Variants in CABIN1 observed in about 807,000 individuals in gnomAD.
CABIN1 encodes the protein calcineurin-binding protein cabin-1.
Under a neutral mutation model 227.7 loss-of-function variants are expected in CABIN1, and 133 were observed. The observed-to-expected ratio is 0.58, with a 90% CI of 0.51 to 0.67. The LOEUF is 0.67. Ranked by LOEUF, CABIN1 falls within the 30% of genes least tolerant of loss-of-function variation. The pLI, the probability that CABIN1 is intolerant of heterozygous loss-of-function variation, is 0.00. For missense variants in CABIN1, 2,408 were observed against 2,852.5 expected, an observed-to-expected ratio of 0.84 and a Z score of 3.55; for synonymous variants, 1,086 against 1,155.1, an observed-to-expected ratio of 0.94 and a Z score of 1.21.
At chr22:24,171,173 G>A (rs2046789183) in intron 33 of CABIN1, among the ~76,000 whole-genome samples, 1 of 152,208 alleles carries the variant, frequency 6.6e-6, no homozygotes, top group South Asian at 2.1e-4. Flanking sequence ...TGCAGGGAGA[G>A]GCCAAGCTGG....
chr22:24,040,325 C>T (rs1296044757), intron 4 of CABIN1, among the ~76,000 whole-genome samples: 2 of 152,144 alleles, frequency 1.3e-5, no homozygotes, highest in Non-Finnish European at 2.9e-5. Context: ...TTGGATTAGT[C>T]AAGGGATGCT....
chr22:24,116,188 CA>C (rs60549017), intron 27 of CABIN1, among the ~76,000 whole-genome samples: 2 of 146,320 alleles, frequency 1.4e-5, no homozygotes, highest in Admixed American at 6.8e-5. Context: ...GGCAGAGCTT[CA>C]AAAAAAAAAG....
chr22:24,103,367 A>G (rs1046799526), intron 26 of CABIN1: 3 of 152,134 alleles, frequency 2.0e-5, no homozygotes, highest in African/African-American at 7.2e-5. Context: ...TAACATACCA[A>G]ATTATCTTTA....
In CABIN1 at chr22:24,087,555, A is replaced by G; in HGVS notation, c.3367A>G (p.Thr1123Ala). 1.9e-6 allele frequency: 3 copies of G among 1,614,204 alleles called. No individual in the cohort carries two copies. The highest frequency in any genetic ancestry group is 2.5e-6 in the Non-Finnish European group (3 of 1,180,046). Residue 1123 changes from threonine (T) to alanine (A), a missense_variant, in exon 23 of 37, where the codon ACG becomes GCG. This residue lies in a region of CABIN1 where 649 missense variants were observed against 910.3 expected (regional missense o/e 0.71). Coordinates refer to ENST00000263119, the MANE Select transcript of CABIN1 (RefSeq NM_012295.4). The stretch of plus-strand genomic sequence containing the variant: ...TGATGGGCCCATTTGGAAGCATGCC[A>G]CGCCCGTCTTGAACTGCTTCCGTCG... ...KSDGPIWKHA[T>A]PVLNCFRRAL...
rs573376253 is a variant in CABIN1 at position 24,098,288 on chromosome 22, G to C, written c.4117+96G>C. 356 of 1,575,790 alleles carry C rather than the reference G, an allele frequency of 2.3e-4. No individual in the cohort carries two copies. In the South Asian group the frequency reaches 3.6e-3, roughly 16 times the overall value. ...CATTTTGTCGCTTCGTTTTGGTGAG[G>C]GGGGGTGCTGGGTCTGGGGTGACAC... On this transcript the variant is annotated intron_variant, in intron 26 of 36. Coordinates refer to ENST00000263119, the MANE Select transcript of CABIN1 (RefSeq NM_012295.4).
chr22:24,050,568 T>C (rs186602268), intron 7 of CABIN1, among the ~76,000 whole-genome samples: 9 of 152,352 alleles, frequency 5.9e-5, no homozygotes, highest in African/African-American at 2.2e-4. Flanking sequence ...GTGATAGTGT[T>C]AATACATATG....
At chr22:24,041,400 G>GA in intron 5 of CABIN1, 127 bp downstream of exon 5, 7 of 1,214,100 alleles carry the variant, frequency 5.8e-6, no homozygotes, top group Non-Finnish European at 8.4e-6. Context: ...TAGTACCCAA[G>GA]GCTCTAGGGT....
At chr22:24,028,653 T>A (rs549440746) in intron 1 of CABIN1, among the ~76,000 whole-genome samples, 1 of 152,126 alleles carries the variant, frequency 6.6e-6, no homozygotes, top group African/African-American at 2.4e-5. Context: ...GTTACAGGGC[T>A]CAGCTTCCTT....
At chr22:24,146,457 C>T (rs2045125206) in intron 29 of CABIN1, among the ~76,000 whole-genome samples, 1 of 152,166 alleles carries the variant, frequency 6.6e-6, no homozygotes, top group Non-Finnish European at 1.5e-5. Flanking sequence ...TGAAGGCCGC[C>T]CTGTCTGGGG....
intron 11 of CABIN1, among the ~76,000 whole-genome samples, 189 bp from the exon 12 acceptor site, chr22:24,059,735 A>G (rs947769760): frequency 4.6e-5 from 7 of 152,322 alleles, no homozygotes; most frequent in Admixed American, 2.6e-4. Flanking sequence ...AGGCTCAATC[A>G]TAGCTGCTGA....
intron 15 of CABIN1, among the ~76,000 whole-genome samples, chr22:24,065,333 G>A (rs1312654862): frequency 6.6e-5 from 10 of 151,426 alleles, no homozygotes; most frequent in African/African-American, 1.7e-4. Context: ...AGACGGGGTC[G>A]CGGCCGGGCA....
intron 25 of CABIN1, 57 bp downstream of exon 25, chr22:24,096,139 G>A (rs2041880987): frequency 6.3e-7 from 1 of 1,584,310 alleles, no homozygotes; most frequent in South Asian, 1.1e-5. Flanking sequence ...ATCCCAGATG[G>A]CTCGTTTACT....
chr22:24,145,662 GC>G (rs1268553585), intron 29 of CABIN1, among the ~76,000 whole-genome samples: 3 of 152,184 alleles, frequency 2.0e-5, no homozygotes, highest in Admixed American at 2.0e-4. Context: ...CCCTGGGTCT[GC>G]GTGCATGCAT....
At chr22:24,063,260 A>G (rs1314249986) in intron 14 of CABIN1, 114 bp downstream of exon 14, 37 of 1,033,958 alleles carry the variant, frequency 3.6e-5, no homozygotes, top group Middle Eastern at 3.0e-4. Flanking sequence ...GTGTGTGTGC[A>G]TGCATGTGTA....
At chr22:24,047,808 G>A (rs1209592329) in intron 6 of CABIN1, among the ~76,000 whole-genome samples, 2 of 152,222 alleles carry the variant, frequency 1.3e-5, no homozygotes, top group East Asian at 3.8e-4. Context: ...ATTCTTGATA[G>A]GAGTGACTTG....
intron 5 of CABIN1, among the ~76,000 whole-genome samples, chr22:24,042,038 A>C (rs2037418888): frequency 6.6e-6 from 1 of 152,210 alleles, no homozygotes; most frequent in Non-Finnish European, 1.5e-5. Flanking sequence ...TGCAGCCTCG[A>C]CTTCCCAGGC....
intron 18 of CABIN1, among the ~76,000 whole-genome samples, chr22:24,075,084 A>T (rs1445521354): frequency 6.6e-6 from 1 of 152,036 alleles, no homozygotes; most frequent in Non-Finnish European, 1.5e-5. Context: ...GCACCTAGAG[A>T]CCTAGCTACT....
intron 29 of CABIN1, among the ~76,000 whole-genome samples, chr22:24,153,237 G>A (rs2045596355): frequency 6.6e-6 from 1 of 152,246 alleles, no homozygotes; most frequent in Admixed American, 6.5e-5. Context: ...TGGCCTGTGG[G>A]TGAGCATGGC....
chr22:24,148,041 G>T (rs1404465074), intron 29 of CABIN1, among the ~76,000 whole-genome samples: 1 of 152,146 alleles, frequency 6.6e-6, no homozygotes, highest in Non-Finnish European at 1.5e-5. Context: ...GCAGGGGCAG[G>T]GACTACAAGC....
Sources: gnomAD v4.1 joint callset for allele counts (sites outside exome capture counted in the v4.1 genomes callset) on GRCh38, gnomAD v4.1.1 for gene constraint, gnomAD v4.1.1 regional missense constraint, MANE v1.5 for transcripts, NCBI Gene and HGNC (gene_info 2026-07-23, HGNC 2026-07-21) for gene names.